Variants in GRIN2B observed in about 807,000 individuals in gnomAD.
GRIN2B encodes the protein glutamate receptor ionotropic, NMDA 2B.
In GRIN2B, 5 loss-of-function variants were observed where a neutral mutation model predicts 114.5. That is an observed-to-expected ratio of 0.04 (90% CI 0.02 to 0.09). The LOEUF (loss-of-function observed/expected upper bound fraction) is 0.09. Ranked by LOEUF, GRIN2B falls within the 10% of genes least tolerant of loss-of-function variation. The probability of loss-of-function intolerance (pLI) is 1.00; values close to 1 mark genes in which losing one functional copy is unlikely to be tolerated. For synonymous variants in GRIN2B, 787 were observed against 745.1 expected (o/e 1.06, Z -0.92); for missense variants, 1,108 against 1,943.5 (o/e 0.57, Z 8.08).
intron 3 of GRIN2B, among the ~76,000 whole-genome samples, chr12:13,848,610 C>T (rs1471464486): frequency 6.6e-6 from 1 of 152,158 alleles, no homozygotes; most frequent in Non-Finnish European, 1.5e-5. Flanking sequence ...CACAAAGTGG[C>T]CATGATTGCT....
intron 10 of GRIN2B, among the ~76,000 whole-genome samples, chr12:13,594,687 C>T (rs529610605): frequency 1.4e-4 from 21 of 149,534 alleles, no homozygotes; most frequent in Middle Eastern, 3.5e-3. Flanking sequence ...AAAAAAAAGC[C>T]GCTCACATGG....
chr12:13,891,052 T>G (rs1866253905), intron 2 of GRIN2B, among the ~76,000 whole-genome samples: 3 of 152,232 alleles, frequency 2.0e-5, no homozygotes, highest in South Asian at 2.1e-4. Context: ...TTCAGCTGAT[T>G]GCCATCTTTC....
At chr12:13,733,597 G>A (rs1198162058) in intron 4 of GRIN2B, among the ~76,000 whole-genome samples, 1 of 152,130 alleles carries the variant, frequency 6.6e-6, no homozygotes, top group Non-Finnish European at 1.5e-5. Flanking sequence ...ATGGCTCCTG[G>A]TGTTGTATAC....
chr12:13,765,212 G>C (rs751933533), intron 3 of GRIN2B, among the ~76,000 whole-genome samples: 9 of 152,162 alleles, frequency 5.9e-5, no homozygotes, highest in Non-Finnish European at 1.3e-4. Flanking sequence ...GCCAGCCCAA[G>C]ATCTCAAAGA....
At chr12:13,571,641 A>C (rs1948710286) in intron 11 of GRIN2B, among the ~76,000 whole-genome samples, 163 bp downstream of exon 11, 2 of 152,256 alleles carry the variant, frequency 1.3e-5, no homozygotes, top group South Asian at 4.1e-4. Context: ...ACTGGTCTAA[A>C]TGATACGATC....
At chr12:13,835,478 G>A (rs111571293) in intron 3 of GRIN2B, among the ~76,000 whole-genome samples, 7,316 of 151,966 alleles carry the variant, frequency 0.048, 473 homozygotes, top group African/African-American at 0.15. Context: ...AGGGTTTTAC[G>A]TAAAACAGAA....
intron 4 of GRIN2B, among the ~76,000 whole-genome samples, chr12:13,720,177 C>T (rs999391923): frequency 1.4e-4 from 21 of 151,924 alleles, no homozygotes; most frequent in African/African-American, 5.1e-4. Context: ...GTGGATAATC[C>T]CCTGGCTTGT....
At chr12:13,830,171 C>T (rs1246183426) in intron 3 of GRIN2B, among the ~76,000 whole-genome samples, 1 of 152,200 alleles carries the variant, frequency 6.6e-6, no homozygotes, top group Non-Finnish European at 1.5e-5. Flanking sequence ...GGGATTATAA[C>T]TTGGGCAGCA....
intron 3 of GRIN2B, among the ~76,000 whole-genome samples, chr12:13,834,365 G>A (rs1018544529): frequency 2.0e-5 from 3 of 151,980 alleles, no homozygotes; most frequent in African/African-American, 7.3e-5. Flanking sequence ...AACTAGAAGA[G>A]GCTGTCCACA....
At chr12:13,770,593 T>C (rs1411551679) in intron 3 of GRIN2B, among the ~76,000 whole-genome samples, 1 of 152,166 alleles carries the variant, frequency 6.6e-6, no homozygotes, top group Admixed American at 6.5e-5. Flanking sequence ...ATTTAGCCCT[T>C]GGTATTAGCG....
In GRIN2B at chr12:13,601,281, G is replaced by A. The variant is rs550279242; in HGVS notation, c.2010+7322C>T. 6.6e-5 allele frequency among the ~76,000 whole-genome samples: 10 copies of A among 152,296 alleles called. No individual in the cohort carries two copies. The South Asian group carries it at 2.1e-3, about 32-fold the overall frequency. On this transcript the variant is annotated intron_variant, in intron 10 of 13. Transcript: ENST00000609686. ...TGCTTCTTCCAAAGGTTCTAGGGGAGAATCCATATCTTGCCTCTTTCGGCT... is the reference window on the plus strand; with the variant it reads ...TGCTTCTTCCAAAGGTTCTAGGGGAAAATCCATATCTTGCCTCTTTCGGCT...
chr12:13,647,642 G>A (rs1430769806), intron 5 of GRIN2B, among the ~76,000 whole-genome samples: 2 of 152,026 alleles, frequency 1.3e-5, no homozygotes, highest in Non-Finnish European at 2.9e-5. Flanking sequence ...CTGAAAGAGC[G>A]GAGAGGAGGA....
At chr12:13,824,592 C>T (rs917964509) in intron 3 of GRIN2B, among the ~76,000 whole-genome samples, 5 of 152,190 alleles carry the variant, frequency 3.3e-5, no homozygotes, top group Admixed American at 1.3e-4. Flanking sequence ...CGGTGGCTCA[C>T]GCCTGTAATC....
At chr12:13,593,519 T>A (rs1949035193) in intron 10 of GRIN2B, among the ~76,000 whole-genome samples, 1 of 152,178 alleles carries the variant, frequency 6.6e-6, no homozygotes, top group Non-Finnish European at 1.5e-5. Flanking sequence ...CTGGATCCCT[T>A]CCTTACACCT....
rs201557704 is a variant in GRIN2B at position 13,615,079 on chromosome 12, G to A, written c.1654+35C>T. On this transcript the variant is annotated intron_variant, in intron 8 of 13. Coordinates refer to ENST00000609686, the MANE Select transcript of GRIN2B (RefSeq NM_000834.5). The surrounding 1 kb of genome is among the most constrained non-coding windows in gnomAD (Gnocchi z 5.8). ...CCTTATTTCACTTCCCCATCCATAC[G>A]TCCATTTCCTTCCACCAGCAAACCC... The A allele has an allele frequency of 2.8e-5, 45 of 1,579,590 alleles. No individual in the cohort carries two copies. The highest frequency in any genetic ancestry group is 5.0e-5 in the Admixed American group (3 of 59,948).
In GRIN2B at chr12:13,611,756, C is replaced by G; in HGVS notation, c.1749G>C (p.Val583=). 1 of 1,613,822 alleles carries G rather than the reference C, an allele frequency of 6.2e-7. No homozygotes were observed. Among genetic ancestry groups the G allele is most frequent in the Non-Finnish European group, 8.5e-7 (1 of 1,179,728 alleles). The change falls in exon 9 of 14, where the codon GTG becomes GTC. Residue 583 remains valine, a synonymous_variant. Transcript: ENST00000609686. Reference sequence around the variant, plus strand: ...CATCAGCGAGGCACCTGTTATAACCCACAGGGCTGAAGTACTCAAAGACAA... The same window carrying G: ...CATCAGCGAGGCACCTGTTATAACCGACAGGGCTGAAGTACTCAAAGACAA... ...AVFVFEYFSP[V]GYNRCLADGR...
At chr12:13,754,714 CAT>C (rs1171296290) in intron 3 of GRIN2B, among the ~76,000 whole-genome samples, 2 of 152,202 alleles carry the variant, frequency 1.3e-5, no homozygotes, top group Non-Finnish European at 1.5e-5. Flanking sequence ...CATTTGAACT[CAT>C]ATCTGATTAA....
At chr12:13,760,899 T>C (rs750380491) in intron 3 of GRIN2B, among the ~76,000 whole-genome samples, 6 of 152,224 alleles carry the variant, frequency 3.9e-5, no homozygotes, top group Non-Finnish European at 5.9e-5. Context: ...ACACCATCAT[T>C]TTTTTCTGGT....
chr12:13,772,149 T>TCAGATATTATTCC (rs1863918795), intron 3 of GRIN2B, among the ~76,000 whole-genome samples: 1 of 152,218 alleles, frequency 6.6e-6, no homozygotes, highest in Non-Finnish European at 1.5e-5. Context: ...GTCACGTTCT[T>TCAGATATTATTCC]CAGCTATTAT....
Sources: allele counts gnomAD v4.1 joint callset (sites outside exome capture counted in the v4.1 genomes callset), GRCh38; gene constraint gnomAD v4.1.1; non-coding constraint Gnocchi (gnomAD v3.1); transcripts MANE v1.5; gene names NCBI Gene and HGNC (gene_info 2026-07-23, HGNC 2026-07-21).